SLC24A2: variants seen among roughly 807,000 people sequenced by gnomAD.
The protein encoded by SLC24A2 is sodium/potassium/calcium exchanger 2.
SLC24A2 carries 36 observed loss-of-function variants against 62.0 expected under a neutral mutation model. The ratio of observed to expected loss-of-function variants is 0.58; its 90% confidence interval spans 0.44 to 0.77. The LOEUF (loss-of-function observed/expected upper bound fraction) is 0.77. Among genes scored for constraint, SLC24A2 ranks in the 30% least tolerant of loss-of-function variants. The pLI, the probability that SLC24A2 is intolerant of heterozygous loss-of-function variation, is 0.00. For missense variants in SLC24A2, 846 were observed against 817.9 expected (o/e 1.03, Z -0.42); for synonymous variants, 358 against 294.0 (o/e 1.22, Z -2.23).
chr9:19,800,307 G>C, the SLC24A2 span, among the ~76,000 whole-genome samples: 1 of 152,284 alleles, frequency 6.6e-6, no homozygotes, highest in Middle Eastern at 3.4e-3. Context: ...TGATGAGAAA[G>C]TGAGGCCCCA....
rs185819176 is a variant in SLC24A2 at position 19,567,490 on chromosome 9, G to A, written c.1347+5861C>T. Among the ~76,000 whole-genome samples, 371 of 145,868 alleles carry A rather than the reference G, an allele frequency of 2.5e-3. 2 individuals carry two copies. The highest frequency in any genetic ancestry group is 9.5e-3 in the African/African-American group (364 of 38,296). The stretch of plus-strand genomic sequence containing the variant: ...GAACCCGGGAGGCGGAGCTTGCAGT[G>A]AGCCGAGATAGTGCCACTGCACTCC... On this transcript the variant is annotated intron_variant, in intron 7 of 10. Transcript: ENST00000341998.
chr9:19,726,067 C>T (rs775516210), intron 2 of SLC24A2, among the ~76,000 whole-genome samples: 27 of 152,284 alleles, frequency 1.8e-4, no homozygotes, highest in South Asian at 4.1e-4. Flanking sequence ...TCAGCTCTAG[C>T]GAGGCCACAT....
intron 2 of SLC24A2, among the ~76,000 whole-genome samples, chr9:19,673,113 G>A (rs1166310557): frequency 4.1e-5 from 6 of 146,234 alleles, no homozygotes; most frequent in Non-Finnish European, 7.4e-5. Flanking sequence ...TTGAAGACCT[G>A]TCTAGTTCTG....
At chr9:20,212,347 G>T in the SLC24A2 span, among the ~76,000 whole-genome samples, 1 of 151,664 alleles carries the variant, frequency 6.6e-6, no homozygotes, top group African/African-American at 2.4e-5. Flanking sequence ...AGATGAAAGT[G>T]ACAGAAATAA....
At chr9:20,257,781 T>G in the SLC24A2 span, among the ~76,000 whole-genome samples, 1 of 152,328 alleles carries the variant, frequency 6.6e-6, no homozygotes, top group Admixed American at 6.5e-5. Context: ...ACCTGGCACA[T>G]AGCAAACCCT....
the SLC24A2 span, among the ~76,000 whole-genome samples, chr9:20,207,150 G>C: frequency 6.6e-6 from 1 of 152,122 alleles, no homozygotes; most frequent in Non-Finnish European, 1.5e-5. Context: ...TTTAGTACCT[G>C]AAATTTTCTT....
chr9:20,250,737 AAAAG>A, the SLC24A2 span, among the ~76,000 whole-genome samples: 1 of 152,196 alleles, frequency 6.6e-6, no homozygotes, highest in Non-Finnish European at 1.5e-5. Flanking sequence ...TAATTTAAAA[AAAAG>A]AAAGAGAAAT....
intron 2 of SLC24A2, among the ~76,000 whole-genome samples, chr9:19,744,602 C>A (rs926034367): frequency 6.6e-6 from 1 of 152,102 alleles, no homozygotes. Flanking sequence ...GAAAGGAAGA[C>A]CCCAAGTTGT....
chr9:20,112,954 C>T, the SLC24A2 span, among the ~76,000 whole-genome samples: 1 of 151,934 alleles, frequency 6.6e-6, no homozygotes, highest in East Asian at 1.9e-4. Context: ...ACGGTTAGGG[C>T]TGGAAAAAAC....
chr9:19,921,349 C>A, the SLC24A2 span, among the ~76,000 whole-genome samples: 10 of 151,552 alleles, frequency 6.6e-5, no homozygotes, highest in Non-Finnish European at 1.0e-4. Context: ...TGGTAAAACC[C>A]CGTCTCTACT....
At chr9:19,839,928 A>G in the SLC24A2 span, among the ~76,000 whole-genome samples, 1 of 152,324 alleles carries the variant, frequency 6.6e-6, no homozygotes, top group Admixed American at 6.5e-5. Context: ...AGGCTATACC[A>G]TATACCTTAG....
the SLC24A2 span, among the ~76,000 whole-genome samples, chr9:19,894,008 G>C: frequency 6.6e-6 from 1 of 152,114 alleles, no homozygotes; most frequent in Admixed American, 6.5e-5. Context: ...TGCAACCATC[G>C]ATCCGAGCTA....
At chr9:19,850,993 A>ATATATATG in the SLC24A2 span, among the ~76,000 whole-genome samples, 2 of 47,824 alleles carry the variant, frequency 4.2e-5, no homozygotes, top group Non-Finnish European at 9.7e-5. Context: ...ATGTATATAT[A>ATATATATG]TATATATACA....
the SLC24A2 span, among the ~76,000 whole-genome samples, chr9:20,057,714 T>C: frequency 6.6e-6 from 1 of 152,250 alleles, no homozygotes; most frequent in African/African-American, 2.4e-5. Context: ...CCTCTTCTAC[T>C]TGTAAGTAAT....
chr9:19,698,635 C>T (rs1245312677), intron 2 of SLC24A2, among the ~76,000 whole-genome samples: 2 of 152,120 alleles, frequency 1.3e-5, no homozygotes, highest in East Asian at 3.9e-4. Flanking sequence ...TTCCTATGTG[C>T]CATGCAGTGT....
the SLC24A2 span, among the ~76,000 whole-genome samples, chr9:20,039,261 T>A: frequency 6.6e-6 from 1 of 152,100 alleles, no homozygotes; most frequent in Non-Finnish European, 1.5e-5. Context: ...CTACCTGTGT[T>A]CTGCTATGTC....
intron 7 of SLC24A2, among the ~76,000 whole-genome samples, chr9:19,570,848 A>G (rs1206937290): frequency 6.6e-6 from 1 of 152,168 alleles, no homozygotes; most frequent in Non-Finnish European, 1.5e-5. Flanking sequence ...GGTGACCTGC[A>G]GGCCCAGGTC....
At chr9:19,833,631 G>C in the SLC24A2 span, among the ~76,000 whole-genome samples, 1 of 152,246 alleles carries the variant, frequency 6.6e-6, no homozygotes, top group Non-Finnish European at 1.5e-5. Context: ...GTCTGCCTCT[G>C]TAGGCTCCAC....
In SLC24A2 at chr9:19,521,158, A is replaced by G. The variant is rs149882507; in HGVS notation, c.1570-98T>C. ...TGCGACCTCCTTTTAATGCATTTCT[A>G]TACTGTGCTATGCAAAGTGCTGAGA... On this transcript the variant is annotated intron_variant, in intron 9 of 10. Coordinates refer to ENST00000341998, the MANE Select transcript of SLC24A2 (RefSeq NM_020344.4). 17 of 1,032,366 alleles carry G rather than the reference A, an allele frequency of 1.6e-5. No individual in the cohort carries two copies. In the East Asian group the frequency reaches 1.8e-4, roughly 11 times the overall value. 64.0% of individuals were successfully genotyped at this position (1,032,366 alleles called of 1,614,324 possible).
Sources: allele counts gnomAD v4.1 joint callset (sites outside exome capture counted in the v4.1 genomes callset), GRCh38; gene constraint gnomAD v4.1.1; transcripts MANE v1.5; gene names NCBI Gene and HGNC (gene_info 2026-07-23, HGNC 2026-07-21).